ABCA12: variants seen among roughly 807,000 people sequenced by gnomAD.
The protein encoded by ABCA12 is ATP binding cassette subfamily A member 12, also known as glucosylceramide transporter ABCA12.
A neutral mutation model predicts 293.5 loss-of-function variants in ABCA12; 156 were observed. The ratio of observed to expected loss-of-function variants is 0.53; its 90% CI spans 0.47 to 0.61. ABCA12 has a LOEUF of 0.61. ABCA12 is among the 20% of genes least tolerant of loss of function. The pLI is 0.00. For missense variants in ABCA12, 2,797 were observed against 3,090.2 expected, an observed-to-expected ratio of 0.91 and a Z score of 2.25; for synonymous variants, 1,063 against 1,108.0, an observed-to-expected ratio of 0.96 and a Z score of 0.81.
intron 1 of ABCA12, among the ~76,000 whole-genome samples, chr2:215,131,899 T>C (rs1462976487): frequency 6.6e-6 from 1 of 152,080 alleles, no homozygotes; most frequent in Non-Finnish European, 1.5e-5. Context: ...CTCTTAGCAC[T>C]GCCTTTGCTA....
chr2:215,015,384 C>T (rs6753310), intron 15 of ABCA12, 106 bp downstream of exon 15: 1,063,803 of 1,164,322 alleles, frequency 0.91, 494,702 homozygotes, highest in East Asian at 1. Context: ...TTCCAAAAGC[C>T]GAATAAATGG....
intron 2 of ABCA12, among the ~76,000 whole-genome samples, chr2:215,087,003 C>T (rs576054058): frequency 4.0e-5 from 6 of 151,848 alleles, no homozygotes; most frequent in African/African-American, 9.7e-5. Flanking sequence ...AGTGCAATGG[C>T]GCAATCTTGG....
At chr2:215,016,613 A>AAAAAAAAAAAAAAAAAAAAAC (rs1700512044) in intron 14 of ABCA12, among the ~76,000 whole-genome samples, 1 of 140,438 alleles carries the variant, frequency 7.1e-6, no homozygotes, top group African/African-American at 2.6e-5. Context: ...AAAAAAAAAA[A>AAAAAAAAAAAAAAAAAAAAAC]AGACTTTGCT....
chr2:214,977,550 T>C (rs533594161), intron 33 of ABCA12, among the ~76,000 whole-genome samples: 2 of 152,338 alleles, frequency 1.3e-5, no homozygotes, highest in Non-Finnish European at 2.9e-5. Flanking sequence ...CCATGATTTA[T>C]ATATCATTTT....
Position 215,015,632 on chromosome 2 carries a change from C to T in ABCA12, c.1814G>A (p.Cys605Tyr), listed in dbSNP as rs757635102. The change falls in exon 15 of 53, where the codon TGT becomes TAT. Residue 605 changes from cysteine to tyrosine, a missense_variant. Cys to Tyr is a radical substitution (Grantham distance 194, BLOSUM62 -2). Coordinates refer to ENST00000272895, the MANE Select transcript of ABCA12 (RefSeq NM_173076.3). Reference sequence around the variant, plus strand: ...TTTGGGAGTGGTGATATTAGTATCACAGGAATGCAGCCAGAACACCTGAGA... The same window carrying T: ...TTTGGGAGTGGTGATATTAGTATCATAGGAATGCAGCCAGAACACCTGAGA... Reference protein sequence around the residue: ...IISQVFWLHSCDTNITTPKLE... With the variant: ...IISQVFWLHSYDTNITTPKLE... 7 of 1,613,892 alleles carry T rather than the reference C, an allele frequency of 4.3e-6. No homozygotes were observed. The highest frequency in any genetic ancestry group is 1.3e-5 in the African/African-American group (1 of 74,906).
At chr2:215,051,362 C>T (rs981655071) in intron 5 of ABCA12, among the ~76,000 whole-genome samples, 6 of 152,036 alleles carry the variant, frequency 3.9e-5, no homozygotes, top group Admixed American at 3.9e-4. Context: ...CCAGCATGGG[C>T]AGAGTTGATG....
chr2:215,073,302 C>T (rs1701772499), intron 2 of ABCA12, among the ~76,000 whole-genome samples: 1 of 152,134 alleles, frequency 6.6e-6, no homozygotes, highest in Non-Finnish European at 1.5e-5. Context: ...ATCCTGGCAA[C>T]TATTTTTCCC....
chr2:215,033,023 T>C (rs1700912838), intron 8 of ABCA12, among the ~76,000 whole-genome samples: 1 of 152,228 alleles, frequency 6.6e-6, no homozygotes. Context: ...GTATCAGTCA[T>C]GTTTAAGTAA....
intron 11 of ABCA12, 150 bp from the exon 12 acceptor site, chr2:215,019,946 A>G: frequency 1.0e-6 from 1 of 955,738 alleles, no homozygotes; most frequent in South Asian, 1.5e-5. Flanking sequence ...TAGTTTTATT[A>G]TGAAGTACTA....
intron 31 of ABCA12, among the ~76,000 whole-genome samples, chr2:214,979,916 G>C (rs1574958368): frequency 6.6e-6 from 1 of 152,272 alleles, no homozygotes; most frequent in East Asian, 1.9e-4. Flanking sequence ...CATATGTTCT[G>C]TTAGGTGGTG....
At chr2:215,135,359 A>G (rs571477853) in intron 1 of ABCA12, among the ~76,000 whole-genome samples, 19 of 152,188 alleles carry the variant, frequency 1.2e-4, no homozygotes, top group African/African-American at 3.4e-4. Flanking sequence ...TTCATGTGCC[A>G]TTTGTTTCTC....
chr2:214,983,530 GT>G (rs1216339013), intron 29 of ABCA12, 116 bp downstream of exon 29: 409 of 940,692 alleles, frequency 4.3e-4, no homozygotes, highest in Non-Finnish European at 5.2e-4. Context: ...AAACTAAAAA[GT>G]AATTATTTCG....
intron 6 of ABCA12, among the ~76,000 whole-genome samples, chr2:215,046,660 AG>A (rs926800926): frequency 6.6e-6 from 1 of 151,748 alleles, no homozygotes; most frequent in African/African-American, 2.4e-5. Flanking sequence ...AACAATTGTA[AG>A]TACTTTACAT....
intron 39 of ABCA12, among the ~76,000 whole-genome samples, chr2:214,960,862 G>T (rs1016318870): frequency 1.3e-5 from 2 of 151,992 alleles, no homozygotes; most frequent in African/African-American, 4.8e-5. Flanking sequence ...TGAGAAGAAA[G>T]AACAGAATTT....
intron 3 of ABCA12, among the ~76,000 whole-genome samples, chr2:215,057,567 C>A (rs1701443723): frequency 6.7e-6 from 1 of 148,964 alleles, no homozygotes; most frequent in African/African-American, 2.5e-5. Context: ...CCGTGTAACC[C>A]CTTCCTCATT....
chr2:215,134,595 CTCTCTATA>C (rs1229005784), intron 1 of ABCA12, among the ~76,000 whole-genome samples: 2 of 81,490 alleles, frequency 2.5e-5, no homozygotes, highest in African/African-American at 2.0e-4. Context: ...CTCTCTCTCT[CTCTCTATA>C]TATATATATA....
At chr2:214,987,036 T>C (rs187145993) in intron 27 of ABCA12, among the ~76,000 whole-genome samples, 67 of 152,286 alleles carry the variant, frequency 4.4e-4, no homozygotes, top group Non-Finnish European at 6.8e-4. Context: ...TGTCTAAGGC[T>C]TGGTCCTCTG....
chr2:215,052,402 C>T, intron 5 of ABCA12, 85 bp downstream of exon 5: 1 of 1,149,568 alleles, frequency 8.7e-7, no homozygotes, highest in Non-Finnish European at 1.3e-6. Flanking sequence ...GTGCTCCAAA[C>T]ATCTTGCTAT....
At chr2:215,047,034 T>C (rs1559165328) in intron 6 of ABCA12, among the ~76,000 whole-genome samples, 1 of 152,098 alleles carries the variant, frequency 6.6e-6, no homozygotes, top group Non-Finnish European at 1.5e-5. Flanking sequence ...TGAGAACACA[T>C]GGACACACAG....
Sources: gnomAD v4.1 joint callset for allele counts (sites outside exome capture counted in the v4.1 genomes callset) on GRCh38, gnomAD v4.1.1 for gene constraint, MANE v1.5 for transcripts, NCBI Gene and HGNC (gene_info 2026-07-23, HGNC 2026-07-21) for gene names.